Variants in GPR176 observed in about 807,000 individuals in gnomAD.
The protein encoded by GPR176 is G protein-coupled receptor 176.
In GPR176, 26 loss-of-function variants were observed where a neutral mutation model predicts 35.4. The observed-to-expected ratio is 0.74, with a 90% CI of 0.54 to 1.02. The LOEUF (loss-of-function observed/expected upper bound fraction) is 1.02, where lower values mean the gene tolerates loss of function less well. Ranked by LOEUF, GPR176 falls within the 50% of genes least tolerant of loss-of-function variation. The probability of loss-of-function intolerance (pLI) is 0.00; values close to 1 mark genes in which losing one functional copy is unlikely to be tolerated. For synonymous variants in GPR176, 278 were observed against 271.3 expected, an observed-to-expected ratio of 1.02 and a Z score of -0.24; for missense variants, 597 against 665.3, an observed-to-expected ratio of 0.90 and a Z score of 1.13.
Position 39,919,686 on chromosome 15 carries a change from C to T in GPR176, c.172+169G>A, listed in dbSNP as rs955614219. On this transcript the variant is annotated intron_variant, in intron 1 of 2. Coordinates refer to ENST00000561100, the MANE Select transcript of GPR176 (RefSeq NM_007223.3). ...CTCCCGCGTGGGGGCTGGAGTCCAC[C>T]GTCCCTGCTTAACTACACTGCAGCT... 3.9e-5 allele frequency among the ~76,000 whole-genome samples: 6 copies of T among 152,268 alleles called. No individual in the cohort carries two copies. In the East Asian group the frequency reaches 7.7e-4, roughly 20 times the overall value.
intron 1 of GPR176, among the ~76,000 whole-genome samples, chr15:39,901,688 C>T (rs2033282257): frequency 6.6e-6 from 1 of 152,128 alleles, no homozygotes; most frequent in South Asian, 2.1e-4. Flanking sequence ...CCTGTCATCT[C>T]CACGGACACT....
chr15:39,830,549 T>C (rs540031817), intron 1 of GPR176, among the ~76,000 whole-genome samples: 9 of 152,146 alleles, frequency 5.9e-5, no homozygotes, highest in Non-Finnish European at 8.8e-5. Context: ...ACAGCATGGA[T>C]ATGGCAATAG....
chr15:39,828,229 A>G (rs577767409), intron 1 of GPR176, among the ~76,000 whole-genome samples: 17 of 152,312 alleles, frequency 1.1e-4, no homozygotes, highest in East Asian at 9.6e-4. Context: ...TCCAGCCCCG[A>G]CAGCAAGCTG....
intron 1 of GPR176, among the ~76,000 whole-genome samples, chr15:39,870,497 C>T (rs985360505): frequency 1.3e-5 from 2 of 152,166 alleles, no homozygotes; most frequent in Admixed American, 6.5e-5. Flanking sequence ...TTATTGATAA[C>T]AGATTATTTG....
At chr15:39,883,641 G>C (rs2032564412) in intron 1 of GPR176, among the ~76,000 whole-genome samples, 2 of 152,110 alleles carry the variant, frequency 1.3e-5, no homozygotes, top group Non-Finnish European at 2.9e-5. Context: ...GTGGTCTGCA[G>C]TTGCTAAAAG....
intron 1 of GPR176, among the ~76,000 whole-genome samples, chr15:39,811,884 C>A (rs941432101): frequency 5.3e-5 from 8 of 151,468 alleles, no homozygotes; most frequent in Non-Finnish European, 1.5e-5. Flanking sequence ...CCATTGCACT[C>A]CAGCCTGGGT....
chr15:39,824,880 AT>A (rs997320662), intron 1 of GPR176, among the ~76,000 whole-genome samples: 7 of 151,734 alleles, frequency 4.6e-5, no homozygotes, highest in South Asian at 2.1e-4. Flanking sequence ...TTTCTTCCTG[AT>A]TTTTTTTTAA....
chr15:39,890,251 A>T (rs181539107), intron 1 of GPR176, among the ~76,000 whole-genome samples: 41 of 152,312 alleles, frequency 2.7e-4, no homozygotes, highest in Non-Finnish European at 2.1e-4. Flanking sequence ...GCAGGAAAAA[A>T]TTAAGCTCAG....
chr15:39,836,845 A>C (rs1398381298), intron 1 of GPR176, among the ~76,000 whole-genome samples: 11 of 152,146 alleles, frequency 7.2e-5, no homozygotes, highest in Admixed American at 7.2e-4. Context: ...GGAGATGCTT[A>C]CTAAATGTTT....
At chr15:39,877,820 C>T (rs946018909) in intron 1 of GPR176, among the ~76,000 whole-genome samples, 4 of 151,994 alleles carry the variant, frequency 2.6e-5, no homozygotes, top group African/African-American at 7.3e-5. Context: ...CCTTGGCCTC[C>T]CACAACACTG....
At chr15:39,804,336 A>G (rs913661006) in intron 2 of GPR176, among the ~76,000 whole-genome samples, 1 of 152,234 alleles carries the variant, frequency 6.6e-6, no homozygotes, top group Non-Finnish European at 1.5e-5. Context: ...TCTCTTCTTC[A>G]GGTGTACATG....
At chr15:39,854,361 G>C (rs540354298) in intron 1 of GPR176, among the ~76,000 whole-genome samples, 1 of 152,204 alleles carries the variant, frequency 6.6e-6, no homozygotes, top group East Asian at 1.9e-4. Flanking sequence ...TAACCAAAAT[G>C]GTGTCCAGGG....
intron 1 of GPR176, among the ~76,000 whole-genome samples, chr15:39,907,742 C>T (rs367601899): frequency 6.6e-6 from 1 of 152,194 alleles, no homozygotes; most frequent in South Asian, 2.1e-4. Context: ...TTTTCTAACA[C>T]AGCTAGATTT....
chr15:39,843,331 T>A lies in GPR176; in HGVS notation c.173-36073A>T, dbSNP rs1195540128. ...TACAAAATGGCCTCAATCATATGTA[T>A]TTCAAAGGTAACTTATAATCAAGAA... On this transcript the variant is annotated intron_variant, in intron 1 of 2. Coordinates refer to ENST00000561100, the MANE Select transcript of GPR176 (RefSeq NM_007223.3). Among the ~76,000 whole-genome samples the A allele has an allele frequency of 2.0e-5, 3 of 152,084 alleles. No individual in the cohort carries two copies. The East Asian group carries it at 5.8e-4, about 29-fold the overall frequency.
intron 1 of GPR176, among the ~76,000 whole-genome samples, chr15:39,870,009 T>C (rs2031984730): frequency 6.6e-6 from 1 of 152,170 alleles, no homozygotes; most frequent in South Asian, 2.1e-4. Context: ...CCAAAATCAG[T>C]TTCATTGAGC....
At chr15:39,868,574 A>G (rs963603029) in intron 1 of GPR176, among the ~76,000 whole-genome samples, 2 of 152,252 alleles carry the variant, frequency 1.3e-5, no homozygotes, top group African/African-American at 4.8e-5. Context: ...AGACAAACCA[A>G]TGCTTTATGC....
At chr15:39,903,613 A>AG (rs1357967643) in intron 1 of GPR176, among the ~76,000 whole-genome samples, 14 of 152,104 alleles carry the variant, frequency 9.2e-5, no homozygotes, top group African/African-American at 2.9e-4. Flanking sequence ...CATCTTACAC[A>AG]GGTTTAAGTA....
chr15:39,825,324 A>C (rs1712977411), intron 1 of GPR176, among the ~76,000 whole-genome samples: 1 of 152,334 alleles, frequency 6.6e-6, no homozygotes, highest in South Asian at 2.1e-4. Context: ...CTCTGTGAAT[A>C]TATACACTTA....
rs112688471 is a variant in GPR176 at position 39,838,701 on chromosome 15, T to C, written c.173-31443A>G. Among the ~76,000 whole-genome samples the C allele has an allele frequency of 8.2e-4, 125 of 152,218 alleles. 1 individual carries two copies. The highest frequency in any genetic ancestry group is 3.0e-3 in the African/African-American group (124 of 41,540). On this transcript the variant is annotated intron_variant, in intron 1 of 2. Coordinates refer to ENST00000561100, the MANE Select transcript of GPR176 (RefSeq NM_007223.3). ...CATATCTCAAAATAATAAGAGCTAT[T>C]TATGACAAACCCACAGCCAGTATCA... is the stretch of plus-strand genomic sequence containing the variant.
Sources: allele counts gnomAD v4.1 joint callset (sites outside exome capture counted in the v4.1 genomes callset), GRCh38; gene constraint gnomAD v4.1.1; transcripts MANE v1.5; gene names NCBI Gene and HGNC (gene_info 2026-07-23, HGNC 2026-07-21).